Variants in PAQR5 observed in about 807,000 individuals in gnomAD.
PAQR5 encodes progestin and adipoQ receptor family member 5, also known as membrane progestin receptor gamma.
PAQR5 carries 20 observed loss-of-function variants against 34.5 expected under a neutral mutation model. That is an observed-to-expected ratio of 0.58 (90% CI 0.41 to 0.84). The LOEUF is 0.84. PAQR5 is among the 40% of genes least tolerant of loss of function. The pLI is 0.00. For missense variants in PAQR5, 378 were observed against 412.7 expected, an observed-to-expected ratio of 0.92 and a Z score of 0.73; for synonymous variants, 131 against 155.6, an observed-to-expected ratio of 0.84 and a Z score of 1.18.
chr15:69,305,039 T>C (rs982803049), intron 1 of PAQR5, among the ~76,000 whole-genome samples: 6 of 152,234 alleles, frequency 3.9e-5, no homozygotes, highest in African/African-American at 1.4e-4. Flanking sequence ...TCCTCTTCTG[T>C]ACGGCTTGGA....
intron 1 of PAQR5, among the ~76,000 whole-genome samples, chr15:69,321,496 A>G (rs905067636): frequency 6.6e-6 from 1 of 152,228 alleles, no homozygotes; most frequent in African/African-American, 2.4e-5. Flanking sequence ...AAAACACATA[A>G]CCACAGTACT....
At chr15:69,350,509 G>A (rs764526439) in intron 2 of PAQR5, among the ~76,000 whole-genome samples, 43 of 152,208 alleles carry the variant, frequency 2.8e-4, no homozygotes, top group Non-Finnish European at 4.1e-4. Flanking sequence ...CAGGTGTGAT[G>A]GCGCACACCT....
intron 1 of PAQR5, among the ~76,000 whole-genome samples, chr15:69,334,323 C>T (rs1360188243): frequency 6.6e-6 from 1 of 152,160 alleles, no homozygotes; most frequent in African/African-American, 2.4e-5. Flanking sequence ...CCACTGCACC[C>T]GACCTGGGAA....
intron 1 of PAQR5, among the ~76,000 whole-genome samples, chr15:69,327,198 T>C (rs912054729): frequency 6.6e-6 from 1 of 152,092 alleles, no homozygotes; most frequent in African/African-American, 2.4e-5. Context: ...AGTCTCACTA[T>C]GTTGCCCAGG....
intron 3 of PAQR5, among the ~76,000 whole-genome samples, chr15:69,362,152 G>A (rs1039680360): frequency 6.6e-6 from 1 of 152,194 alleles, no homozygotes; most frequent in Non-Finnish European, 1.5e-5. Context: ...TGTCAGGGCT[G>A]GACAACCCTG....
At chr15:69,346,607 C>G (rs1384430657) in intron 2 of PAQR5, among the ~76,000 whole-genome samples, 10 of 149,260 alleles carry the variant, frequency 6.7e-5, no homozygotes, top group African/African-American at 2.5e-4. Flanking sequence ...CGTGAGCTAC[C>G]ACGTCCAGCT....
chr15:69,312,609 T>A (rs1483881401), intron 1 of PAQR5, among the ~76,000 whole-genome samples: 1 of 150,964 alleles, frequency 6.6e-6, no homozygotes. Flanking sequence ...TTCCTCCCCA[T>A]GAAAACCCCC....
rs2054538334 is a variant in PAQR5 at position 69,337,491 on chromosome 15, C to G, written c.-126C>G. On this transcript the variant is annotated 5_prime_UTR_variant, in exon 2 of 9. Coordinates refer to ENST00000395407, the MANE Select transcript of PAQR5 (RefSeq NM_017705.4). ...CCACACAGAGTTCCTGTACAAGGTT[C>G]CTGACCTGTGGTAAGTAAAGAACGT... The G allele has an allele frequency of 6.6e-6, 1 of 152,204 alleles. No individual in the cohort carries two copies. The allele number at this position is 152,204 out of a possible 1,614,324, so 9.4% of individuals were successfully genotyped here.
intron 6 of PAQR5, chr15:69,391,640 C>T (rs2056276026): frequency 2.2e-6 from 1 of 455,900 alleles, no homozygotes; most frequent in African/African-American, 2.0e-5. Context: ...GTCACTGCCC[C>T]ATCTGGTTCG....
chr15:69,356,306 T>G (rs190441301), intron 2 of PAQR5, among the ~76,000 whole-genome samples: 1 of 152,350 alleles, frequency 6.6e-6, no homozygotes, highest in Admixed American at 6.5e-5. Flanking sequence ...TGTGCACGGC[T>G]TGGTGATTTA....
chr15:69,305,413 G>T (rs1475486778), intron 1 of PAQR5, among the ~76,000 whole-genome samples: 2 of 152,100 alleles, frequency 1.3e-5, no homozygotes, highest in Non-Finnish European at 2.9e-5. Flanking sequence ...CGTGGGGTGT[G>T]CAAGGACTTA....
At chr15:69,324,129 C>CAAGA (rs2054192260) in intron 1 of PAQR5, among the ~76,000 whole-genome samples, 1 of 135,486 alleles carries the variant, frequency 7.4e-6, no homozygotes, top group Admixed American at 7.4e-5. Context: ...ATAGCTAGGG[C>CAAGA]AAAAAAAAAA....
chr15:69,340,657 A>G (rs758228212), intron 2 of PAQR5, among the ~76,000 whole-genome samples: 2 of 152,158 alleles, frequency 1.3e-5, no homozygotes, highest in African/African-American at 4.8e-5. Context: ...AGGCATTGGC[A>G]TGGCGGGGTG....
At chr15:69,354,815 A>G (rs2055013881) in intron 2 of PAQR5, among the ~76,000 whole-genome samples, 1 of 152,194 alleles carries the variant, frequency 6.6e-6, no homozygotes, top group Non-Finnish European at 1.5e-5. Flanking sequence ...GTGGGCAGAC[A>G]CCATCCAATC....
At chr15:69,303,259 G>T (rs192415469) in intron 1 of PAQR5, among the ~76,000 whole-genome samples, 1 of 152,230 alleles carries the variant, frequency 6.6e-6, no homozygotes, top group Non-Finnish European at 1.5e-5. Flanking sequence ...TCAAATTTGG[G>T]TCTCTGTCTC....
Position 69,361,309 on chromosome 15 carries a change from C to T in PAQR5, c.51+1178C>T, listed in dbSNP as rs140653718. 3.3e-3 allele frequency among the ~76,000 whole-genome samples: 502 copies of T among 152,328 alleles called. 5 individuals are homozygous for T. Among genetic ancestry groups the T allele is most frequent in the African/African-American group, 0.012 (489 of 41,564 alleles). The stretch of plus-strand genomic sequence containing the variant: ...GTGCAAGGGATTCAGAGAATAATTA[C>T]ATACAAATCCTGTCCTTGCGTGACT... On this transcript the variant is annotated intron_variant, in intron 3 of 8. Coordinates refer to ENST00000395407, the MANE Select transcript of PAQR5 (RefSeq NM_017705.4).
chr15:69,339,906 G>A (rs373878859), intron 2 of PAQR5, among the ~76,000 whole-genome samples: 10 of 151,918 alleles, frequency 6.6e-5, no homozygotes, highest in African/African-American at 2.2e-4. Context: ...TGCTCTTGTT[G>A]CCCAGGCTGG....
intron 6 of PAQR5, chr15:69,397,158 G>A: frequency 2.4e-6 from 1 of 410,918 alleles, no homozygotes; most frequent in Non-Finnish European, 4.9e-6. Flanking sequence ...AAGGTTCTTT[G>A]GCAGTTACAT....
intron 2 of PAQR5, among the ~76,000 whole-genome samples, chr15:69,357,072 TTCTC>T (rs1187425752): frequency 2.6e-5 from 4 of 151,832 alleles, no homozygotes; most frequent in African/African-American, 9.7e-5. Context: ...CTCTCTCTCT[TTCTC>T]TCTTGCTCCT....
Sources: gnomAD v4.1 joint callset for allele counts (sites outside exome capture counted in the v4.1 genomes callset) on GRCh38, gnomAD v4.1.1 for gene constraint, MANE v1.5 for transcripts, NCBI Gene and HGNC (gene_info 2026-07-23, HGNC 2026-07-21) for gene names.